ANKRD28: variants seen among roughly 807,000 people sequenced by gnomAD.
ANKRD28 encodes serine/threonine-protein phosphatase 6 regulatory ankyrin repeat subunit A.
ANKRD28 carries 44 observed loss-of-function variants against 126.5 expected under a neutral mutation model. The observed-to-expected ratio is 0.35, with a 90% confidence interval of 0.27 to 0.45. The LOEUF is 0.45. Ranked by LOEUF, ANKRD28 falls within the 20% of genes least tolerant of loss-of-function variation. The probability of loss-of-function intolerance (pLI) is 1.00; values close to 1 mark genes in which losing one functional copy is unlikely to be tolerated. For missense variants in ANKRD28, 1,110 were observed against 1,316.6 expected (o/e 0.84, Z 2.43); for synonymous variants, 442 against 468.5 (o/e 0.94, Z 0.73).
At chr3:15,684,640 C>T (rs949954163) in intron 21 of ANKRD28, 3 of 151,790 alleles carry the variant, frequency 2.0e-5, no homozygotes, top group Non-Finnish European at 2.9e-5. Flanking sequence ...AATCCTAGCA[C>T]TTGGGGAGTC....
chr3:15,745,609 T>C (rs1327951366), intron 4 of ANKRD28, among the ~76,000 whole-genome samples: 2 of 152,224 alleles, frequency 1.3e-5, no homozygotes, highest in Admixed American at 6.5e-5. Flanking sequence ...TTGGTGACTA[T>C]GGCCTTATAG....
chr3:15,711,042 T>C (rs2126059475), intron 12 of ANKRD28, among the ~76,000 whole-genome samples, 169 bp downstream of exon 12: 1 of 152,226 alleles, frequency 6.6e-6, no homozygotes, highest in East Asian at 1.9e-4. Context: ...TTGGCTGGAA[T>C]AAGATGAAAA....
chr3:15,732,131 T>C (rs1198655351), intron 6 of ANKRD28: 1 of 151,946 alleles, frequency 6.6e-6, no homozygotes, highest in African/African-American at 2.4e-5. Context: ...GATGACCCCA[T>C]AGTGGGTAGA....
Position 15,713,660 on chromosome 3 carries a change from T to C in ANKRD28, c.1076-19A>G, listed in dbSNP as rs1409532734. 1.3e-6 allele frequency: 2 copies of C among 1,509,990 alleles called. No individual in the cohort carries two copies. Among genetic ancestry groups the C allele is most frequent in the African/African-American group, 1.4e-5 (1 of 71,654 alleles). 93.5% of individuals were successfully genotyped at this position (1,509,990 alleles called of 1,614,324 possible). ...ACAGCTCCTGCAATATAGGACTTAC[T>C]GTCAGACACTGGACCATATAAAGAT... On this transcript the variant is annotated intron_variant, in intron 9 of 27. Transcript: ENST00000683139.
chr3:15,707,813 A>C (rs918461630), intron 14 of ANKRD28, 111 bp downstream of exon 14: 1 of 1,317,146 alleles, frequency 7.6e-7, no homozygotes, highest in African/African-American at 1.5e-5. Context: ...GGGCAAAGAT[A>C]ATCAACAAAA....
chr3:15,770,037 TAA>T (rs77413206), intron 2 of ANKRD28, among the ~76,000 whole-genome samples: 24 of 133,380 alleles, frequency 1.8e-4, no homozygotes, highest in Admixed American at 2.3e-4. Context: ...TGGTCTAACT[TAA>T]AAAAAAAAAA....
intron 4 of ANKRD28, among the ~76,000 whole-genome samples, chr3:15,742,814 G>A (rs1045603770): frequency 2.1e-5 from 3 of 145,962 alleles, no homozygotes; most frequent in East Asian, 4.2e-4. Context: ...GCCTCTGCCC[G>A]GCCGCCCCTA....
chr3:15,797,969 A>C lies in ANKRD28; in HGVS notation c.-1448T>G. On this transcript the variant is annotated 5_prime_UTR_variant, in exon 1 of 28. Coordinates refer to ENST00000683139, the MANE Select transcript of ANKRD28 (RefSeq NM_001349278.2). ...CTAGTAATGCTCACATGTTACACTT[A>C]CCAGAGATCTGAGCTACTTCTCGGG... 1 of 985,376 alleles carries C rather than the reference A, an allele frequency of 1.0e-6. No homozygotes were observed. Among genetic ancestry groups the C allele is most frequent in the South Asian group, 4.7e-5 (1 of 21,286 alleles). The allele number at this position is 985,376 out of a possible 1,614,324, so 61.0% of individuals were successfully genotyped here. A position where few individuals can be genotyped will look rare whatever the true frequency, so the allele number is the denominator to read the frequency against.
intron 10 of ANKRD28, 134 bp downstream of exon 10, chr3:15,713,393 C>T: frequency 4.7e-6 from 3 of 642,482 alleles, no homozygotes; most frequent in Non-Finnish European, 5.3e-6. Flanking sequence ...TTTGTCAATA[C>T]AAAAGAAAGT....
intron 8 of ANKRD28, among the ~76,000 whole-genome samples, chr3:15,718,624 T>G (rs938527675): frequency 2.0e-5 from 3 of 151,780 alleles, no homozygotes; most frequent in African/African-American, 7.3e-5. Flanking sequence ...CATGCCAAAA[T>G]GGCAGTGCAT....
chr3:15,687,070 G>A (rs2068213316), intron 18 of ANKRD28, among the ~76,000 whole-genome samples: 2 of 151,652 alleles, frequency 1.3e-5, no homozygotes. Flanking sequence ...AGCCTCCCAA[G>A]TAGCTGGGAT....
intron 1 of ANKRD28, among the ~76,000 whole-genome samples, chr3:15,822,457 G>A (rs1378342872): frequency 6.6e-6 from 1 of 152,168 alleles, no homozygotes; most frequent in African/African-American, 2.4e-5. Context: ...ACCAGAACAA[G>A]CAGCAATAAC....
At chr3:15,827,143 GA>G (rs1297900672) in intron 1 of ANKRD28, among the ~76,000 whole-genome samples, 2 of 152,132 alleles carry the variant, frequency 1.3e-5, no homozygotes, top group Admixed American at 6.6e-5. Context: ...GTGGAGAAAA[GA>G]GAACCCCTAC....
In ANKRD28 at chr3:15,830,937, C is replaced by T. The variant is rs1260607775; in HGVS notation, c.27+28440G>A. ...TAAAAACTCTGGACAGCAAACCTCA[C>T]GTGGGTGGCCTTGGTTGGCAATACT... On this transcript the variant is annotated intron_variant, in intron 1 of 27. Transcript: ENST00000399451. This position sits in a 1 kb window ranked among gnomAD's most constrained non-coding sequence, Gnocchi z 4.5. Among the ~76,000 whole-genome samples, 1 of 152,066 alleles carries T rather than the reference C, an allele frequency of 6.6e-6. No individual in the cohort carries two copies. The highest frequency in any genetic ancestry group is 1.5e-5 in the Non-Finnish European group (1 of 68,024).
Position 15,848,004 on chromosome 3 carries a change from C to T in ANKRD28, c.27+11373G>A, listed in dbSNP as rs114748397. Among the ~76,000 whole-genome samples, 883 of 152,304 alleles carry T rather than the reference C, an allele frequency of 5.8e-3. 13 individuals are homozygous for T. Among genetic ancestry groups the T allele is most frequent in the African/African-American group, 0.02 (827 of 41,568 alleles). On this transcript the variant is annotated intron_variant, in intron 1 of 27. Coordinates refer to the ANKRD28 transcript ENST00000399451. ...TCACTTCAAGTCCTCTGTGTTGCAA[C>T]CATATTTACTTCTTGACAGTTCTCC...
chr3:15,695,144 A>C, intron 16 of ANKRD28, 44 bp downstream of exon 16: 1 of 1,466,046 alleles, frequency 6.8e-7, no homozygotes, highest in Non-Finnish European at 9.5e-7. Context: ...GTAGGAGGGA[A>C]CTGACCAATA....
At chr3:15,851,196 T>C (rs141744002) in intron 1 of ANKRD28, among the ~76,000 whole-genome samples, 64 of 152,138 alleles carry the variant, frequency 4.2e-4, no homozygotes, top group Non-Finnish European at 8.2e-4. Context: ...AATATGCACA[T>C]GAAAAGATGC....
At chr3:15,776,429 G>A (rs971477953) in intron 2 of ANKRD28, among the ~76,000 whole-genome samples, 13 of 152,190 alleles carry the variant, frequency 8.5e-5, no homozygotes, top group African/African-American at 3.1e-4. Flanking sequence ...GTGGAATCAG[G>A]TCAATTTTTA....
At chr3:15,844,156 T>A (rs1271824372) in intron 1 of ANKRD28, among the ~76,000 whole-genome samples, 3 of 152,204 alleles carry the variant, frequency 2.0e-5, no homozygotes, top group Non-Finnish European at 4.4e-5. Flanking sequence ...CAGTCTGGAC[T>A]GATTCTGGAC....
Sources: allele counts gnomAD v4.1 joint callset (sites outside exome capture counted in the v4.1 genomes callset), GRCh38; gene constraint gnomAD v4.1.1; non-coding constraint Gnocchi (gnomAD v3.1); transcripts MANE v1.5; gene names NCBI Gene and HGNC (gene_info 2026-07-23, HGNC 2026-07-21).